Variants in DNAJC28 observed in about 807,000 individuals in gnomAD.
DNAJC28 encodes the protein dnaJ homolog subfamily C member 28.
A neutral mutation model predicts 33.3 loss-of-function variants in DNAJC28; 24 were observed. The observed-to-expected ratio is 0.72, with a 90% CI of 0.52 to 1.01. The LOEUF is 1.01. Ranked by LOEUF, DNAJC28 falls within the 50% of genes least tolerant of loss-of-function variation. The probability of loss-of-function intolerance (pLI) is 0.00; values close to 1 mark genes in which losing one functional copy is unlikely to be tolerated. For missense variants in DNAJC28, 442 were observed against 455.2 expected (o/e 0.97, Z 0.26); for synonymous variants, 120 against 147.2 (o/e 0.82, Z 1.34).
At position 33,488,731 on chromosome 21, in the gene DNAJC28, ACT is replaced by A; in HGVS notation, c.661_662del (p.Ser221TrpfsTer11). 1 of 1,611,782 alleles carries A rather than the reference ACT, an allele frequency of 6.2e-7. No individual in the cohort carries two copies. Among genetic ancestry groups the A allele is most frequent in the Non-Finnish European group, 8.5e-7 (1 of 1,179,496 alleles). ...ACTTTTTCAGAGGTTTTCCTTTCCC[ACT>A]GAGATTGTCAAAGTCTCCTTTTGCC... is the stretch of plus-strand genomic sequence containing the variant. The part of the protein sequence containing the change: ...SMAKGDFDNL[S>X]GKGKPLKKFS... On this transcript the variant is annotated frameshift_variant, in exon 2 of 2. Coordinates refer to ENST00000381947, the MANE Select transcript of DNAJC28 (RefSeq NM_001040192.3). LOFTEE classifies it high-confidence loss of function.
At chr21:33,490,293 G>C (rs557067416) in intron 1 of DNAJC28, among the ~76,000 whole-genome samples, 3 of 150,552 alleles carry the variant, frequency 2.0e-5, no homozygotes, top group African/African-American at 7.3e-5. Context: ...ATTTTTAGTA[G>C]AGACGGCGTT....
At chr21:33,489,608 C>G (rs2084503381) in intron 1 of DNAJC28, among the ~76,000 whole-genome samples, 184 bp from the exon 2 acceptor site, 1 of 150,478 alleles carries the variant, frequency 6.6e-6, no homozygotes, top group Admixed American at 6.6e-5. Flanking sequence ...CTCTGTCACC[C>G]AGGCTGGAGT....
intron 1 of DNAJC28, among the ~76,000 whole-genome samples, chr21:33,490,486 T>C (rs2084512960): frequency 6.6e-6 from 1 of 151,558 alleles, no homozygotes; most frequent in South Asian, 2.1e-4. Flanking sequence ...TGTTAACATA[T>C]TGTGGGGCCA....
chr21:33,489,831 T>C (rs1256359180), intron 1 of DNAJC28, among the ~76,000 whole-genome samples: 1 of 147,622 alleles, frequency 6.8e-6, no homozygotes, highest in East Asian at 2.0e-4. Flanking sequence ...TCTTGCTCTG[T>C]TGCCCATGCT....
chr21:33,488,275 A>G lies in DNAJC28; in HGVS notation c.1119T>C (p.Phe373=), dbSNP rs375527360. The part of the protein sequence containing the change: ...GEKTPEIKKG[F]LNWMNLWKFI... ...ATTTCCACAGATTCATCCAGTTTAA[A>G]AAACCTTTCTTGATTTCAGGTGTTT... is the stretch of plus-strand genomic sequence containing the variant. The change falls in exon 2 of 2, where the codon TTT becomes TTC. Residue 373 remains phenylalanine, a synonymous_variant. Coordinates refer to ENST00000381947, the MANE Select transcript of DNAJC28 (RefSeq NM_001040192.3). The G allele has an allele frequency of 2.8e-5, 43 of 1,532,874 alleles. No homozygotes were observed. The African/African-American group carries it at 5.6e-4, about 20-fold the overall frequency. 95.0% of individuals were successfully genotyped at this position (1,532,874 alleles called of 1,614,324 possible).
chr21:33,491,094 A>G (rs993445907), intron 1 of DNAJC28: 1 of 152,204 alleles, frequency 6.6e-6, no homozygotes, highest in Non-Finnish European at 1.5e-5. Context: ...GAATAGAATC[A>G]AGTGTCCAAA....
intron 1 of DNAJC28, among the ~76,000 whole-genome samples, chr21:33,489,789 C>CTTT (rs35360893): frequency 1.2e-4 from 15 of 120,480 alleles, no homozygotes; most frequent in African/African-American, 2.5e-4. Flanking sequence ...TGCGCTCAGC[C>CTTT]TTTTTTTTTT....
In DNAJC28 at chr21:33,488,339, T is replaced by A. The variant is rs745998189; in HGVS notation, c.1055A>T (p.Asp352Val). ...ETLIKTKEVT[D>V]RNPNNLDQGE... Reference sequence around the variant, plus strand: ...TTGATCAAGGTTATTTGGGTTTCTATCTGTGACTTCTTTTGTTTTTATAAG... The same window carrying A: ...TTGATCAAGGTTATTTGGGTTTCTAACTGTGACTTCTTTTGTTTTTATAAG... Residue 352 changes from aspartate (D) to valine (V), a missense_variant, in exon 2 of 2, where the codon GAT becomes GTT. By Grantham distance (152) the Asp-to-Val change is radical. Coordinates refer to ENST00000381947, the MANE Select transcript of DNAJC28 (RefSeq NM_001040192.3). 9 of 1,584,946 alleles carry A rather than the reference T, an allele frequency of 5.7e-6. No homozygotes were observed. The highest frequency in any genetic ancestry group is 7.7e-6 in the Non-Finnish European group (9 of 1,172,836).
In DNAJC28 at chr21:33,488,538, T is replaced by A. The variant is rs1383863827; in HGVS notation, c.856A>T (p.Thr286Ser). ...VSRKKLGNPM[T>S]PTEKKQWNHV... ...TTCCACTGTTTCTTTTCAGTTGGTG[T>A]CATTGGATTCCCAAGTTTTTTCCTA... The change falls in exon 2 of 2, where the codon ACA (threonine) becomes TCA (serine). Residue 286 changes from threonine (T) to serine (S), a missense_variant. Transcript: ENST00000381947. 3.1e-6 allele frequency: 5 copies of A among 1,613,166 alleles called. No homozygotes were observed. The African/African-American group carries it at 5.3e-5, about 17-fold the overall frequency.
rs370566963 is a variant in DNAJC28, at chr21:33,491,409, C to G, written c.-32+193G>C. The G allele has an allele frequency of 4.6e-5, 7 of 152,468 alleles. No homozygotes were observed. In the East Asian group the frequency reaches 1.3e-3, roughly 29 times the overall value. 9.4% of individuals were successfully genotyped at this position (152,468 alleles called of 1,614,324 possible). A position where few individuals can be genotyped will look rare whatever the true frequency, so the allele number is the denominator to read the frequency against. ...AAGGGAGGTCGGTCCTGCCCCGCCC[C>G]CTCCTCACCTGCGCAGACCTGGGGT... On this transcript the variant is annotated intron_variant, in intron 1 of 1. Coordinates refer to ENST00000381947, the MANE Select transcript of DNAJC28 (RefSeq NM_001040192.3).
Position 33,488,279 on chromosome 21 carries a change from C to A in DNAJC28, c.1115G>T (p.Gly372Val). 6.5e-7 allele frequency: 1 copy of A among 1,534,384 alleles called. No homozygotes were observed. The change falls in exon 2 of 2, where the codon GGT (glycine) becomes GTT (valine). Residue 372 changes from glycine (G) to valine (V), a missense_variant. Coordinates refer to ENST00000381947, the MANE Select transcript of DNAJC28 (RefSeq NM_001040192.3). ...CCACAGATTCATCCAGTTTAAAAAACCTTTCTTGATTTCAGGTGTTTTCTC... is the reference window on the plus strand; with the variant it reads ...CCACAGATTCATCCAGTTTAAAAAAACTTTCTTGATTTCAGGTGTTTTCTC... ...EGEKTPEIKK[G>V]FLNWMNLWKF...
In DNAJC28 at chr21:33,488,841, C is replaced by G; in HGVS notation, c.553G>C (p.Val185Leu). 1 of 1,611,652 alleles carries G rather than the reference C, an allele frequency of 6.2e-7. No individual in the cohort carries two copies. The highest frequency in any genetic ancestry group is 8.5e-7 in the Non-Finnish European group (1 of 1,179,522). Residue 185 changes from valine (V) to leucine (L), a missense_variant, in exon 2 of 2, where the codon GTT (valine) becomes CTT (leucine). Physicochemically the swap from Val to Leu is conservative, Grantham distance 32 (BLOSUM62 1). Coordinates refer to ENST00000381947, the MANE Select transcript of DNAJC28 (RefSeq NM_001040192.3). Reference sequence around the variant, plus strand: ...TGTTTGCTCTGTCTTATATTTTTAACAATTACACTATCAGGAAAATACTGG... The same window carrying G: ...TGTTTGCTCTGTCTTATATTTTTAAGAATTACACTATCAGGAAAATACTGG... ...QSQYFPDSVI[V>L]KNIRQSKQQK...
intron 1 of DNAJC28, among the ~76,000 whole-genome samples, chr21:33,490,905 C>T (rs1045982346): frequency 6.6e-6 from 1 of 152,046 alleles, no homozygotes; most frequent in Non-Finnish European, 1.5e-5. Flanking sequence ...GCAATTTAAC[C>T]AAGTCCCATA....
rs773198313 is a variant in DNAJC28, at chr21:33,488,371, G to A, written c.1023C>T (p.Tyr341=). 11 of 1,593,322 alleles carry A rather than the reference G, an allele frequency of 6.9e-6. No individual in the cohort carries two copies. Among genetic ancestry groups the A allele is most frequent in the East Asian group, 4.5e-5 (2 of 44,738 alleles). Residue 341 remains tyrosine (Y), a synonymous_variant, in exon 2 of 2, where the codon TAC becomes TAT. Coordinates refer to ENST00000381947, the MANE Select transcript of DNAJC28 (RefSeq NM_001040192.3). ...CTTCTTTTGTTTTTATAAGGGTCTC[G>A]TATATTTTCTGGGCTCTGACAATTT... The part of the protein sequence containing the change: ...QKEIVRAQKI[Y]ETLIKTKEVT...
Position 33,488,949 on chromosome 21 carries a change from G to C in DNAJC28, c.445C>G (p.Gln149Glu). ...FEGIGFGTPTQREKHYRQFRA... is the reference protein window; with the variant it reads ...FEGIGFGTPTEREKHYRQFRA... ...AATTGCCTATAATGCTTCTCTCGTT[G>C]AGTTGGAGTCCCAAAACCAATACCT... is the stretch of plus-strand genomic sequence containing the variant. The change falls in exon 2 of 2, where the codon CAA becomes GAA. Residue 149 changes from glutamine (Q) to glutamate (E), a missense_variant. Coordinates refer to ENST00000381947, the MANE Select transcript of DNAJC28 (RefSeq NM_001040192.3). The C allele has an allele frequency of 6.2e-7, 1 of 1,613,810 alleles. No individual in the cohort carries two copies. Among genetic ancestry groups the C allele is most frequent in the Non-Finnish European group, 8.5e-7 (1 of 1,180,016 alleles).
chr21:33,489,635 C>T (rs2084503639), intron 1 of DNAJC28, among the ~76,000 whole-genome samples: 1 of 150,512 alleles, frequency 6.6e-6, no homozygotes, highest in Admixed American at 6.6e-5. Context: ...GTGCCTCCAC[C>T]TCCAGAGCCA....
chr21:33,491,211 AT>A (rs2145652438), intron 1 of DNAJC28: 1 of 152,384 alleles, frequency 6.6e-6, no homozygotes, highest in East Asian at 1.9e-4. Context: ...TTGCAATAAC[AT>A]GGTCTCGAAG....
At chr21:33,491,214 G>C (rs188406469) in intron 1 of DNAJC28, 3 of 152,358 alleles carry the variant, frequency 2.0e-5, no homozygotes, top group Admixed American at 1.3e-4. Flanking sequence ...CAATAACATG[G>C]TCTCGAAGAG....
chr21:33,488,685 C>T lies in DNAJC28; in HGVS notation c.709G>A (p.Asp237Asn). 1 of 1,611,286 alleles carries T rather than the reference C, an allele frequency of 6.2e-7. No homozygotes were observed. Among genetic ancestry groups the T allele is most frequent in the South Asian group, 1.1e-5 (1 of 90,226 alleles). Reference protein sequence around the residue: ...LKKFSDCSYIDPMTHNLNRIL... With the variant: ...LKKFSDCSYINPMTHNLNRIL... Reference sequence around the variant, plus strand: ...CGGTTCAGGTTGTGAGTCATGGGATCAATGTAAGAACAGTCAGAAAACTTT... The same window carrying T: ...CGGTTCAGGTTGTGAGTCATGGGATTAATGTAAGAACAGTCAGAAAACTTT... Residue 237 changes from aspartate to asparagine, a missense_variant, in exon 2 of 2, where the codon GAT becomes AAT. Asp to Asn is a conservative substitution (Grantham distance 23). Coordinates refer to ENST00000381947, the MANE Select transcript of DNAJC28 (RefSeq NM_001040192.3).
Sources: allele counts gnomAD v4.1 joint callset (sites outside exome capture counted in the v4.1 genomes callset), GRCh38; gene constraint gnomAD v4.1.1; transcripts MANE v1.5; gene names NCBI Gene and HGNC (gene_info 2026-07-23, HGNC 2026-07-21).